The following ZBTB11 variants were observed in gnomAD, a reference collection of about 807,000 sequenced individuals.
ZBTB11 encodes the protein zinc finger and BTB domain containing 11.
ZBTB11 carries 68 observed loss-of-function variants against 113.1 expected under a neutral mutation model. That is an observed-to-expected ratio of 0.60 (90% confidence interval 0.49 to 0.74). The LOEUF (loss-of-function observed/expected upper bound fraction) is 0.74. Among genes scored for constraint, ZBTB11 ranks in the 30% least tolerant of loss-of-function variants. ZBTB11 has a pLI of 0.00. For missense variants in ZBTB11, 1,104 were observed against 1,279.4 expected, an observed-to-expected ratio of 0.86 and a Z score of 2.09; for synonymous variants, 518 against 452.6, an observed-to-expected ratio of 1.14 and a Z score of -1.83.
rs1936705449 is a variant in ZBTB11 at position 101,651,693 on chromosome 3, A to G, written c.2645-10T>C. ...TCAAATGGCTTAACTCCTAAAAAAAAAAAAAAAAAAGCATGTGTAGTGAGG... is the reference window on the plus strand; with the variant it reads ...TCAAATGGCTTAACTCCTAAAAAAAGAAAAAAAAAAGCATGTGTAGTGAGG... On this transcript the variant is annotated splice_polypyrimidine_tract_variant and intron_variant, in intron 10 of 10. Transcript: ENST00000312938. The G allele has an allele frequency of 3.3e-6, 5 of 1,517,644 alleles. No homozygotes were observed. Among genetic ancestry groups the G allele is most frequent in the Non-Finnish European group, 4.4e-6 (5 of 1,138,498 alleles). The allele number at this position is 1,517,644 out of a possible 1,614,324, so 94.0% of individuals were successfully genotyped here.
chr3:101,657,704 G>A (rs1936822996), intron 6 of ZBTB11, among the ~76,000 whole-genome samples: 1 of 152,078 alleles, frequency 6.6e-6, no homozygotes, highest in African/African-American at 2.4e-5. Context: ...CTCACTGGAG[G>A]CCAGGCACAG....
chr3:101,676,032 C>T (rs1302362094), intron 1 of ZBTB11, among the ~76,000 whole-genome samples: 1 of 152,232 alleles, frequency 6.6e-6, no homozygotes, highest in East Asian at 1.9e-4. Flanking sequence ...ATTTCTCAAT[C>T]ACTCCTTATC....
intron 7 of ZBTB11, 96 bp downstream of exon 7, chr3:101,656,008 C>A: frequency 9.6e-7 from 1 of 1,042,364 alleles, no homozygotes. Flanking sequence ...TGAGCACACA[C>A]GACTATCAGT....
At chr3:101,660,054 A>G in intron 5 of ZBTB11, 26 bp from the exon 6 acceptor site, 1 of 1,598,924 alleles carries the variant, frequency 6.3e-7, no homozygotes, top group Non-Finnish European at 8.5e-7. Flanking sequence ...AATTCTCTCT[A>G]AATGTATTTC....
intron 5 of ZBTB11, among the ~76,000 whole-genome samples, chr3:101,662,547 G>C (rs552543159): frequency 1.3e-5 from 2 of 152,048 alleles, no homozygotes; most frequent in Non-Finnish European, 1.5e-5. Context: ...CTTCAACCCG[G>C]GAAGCAGAGA....
chr3:101,676,732 C>A lies in ZBTB11; in HGVS notation c.183G>T (p.Glu61Asp). ...GCTCCGGCTGCAGCACCACCTCCAGCTCCGCGAAGGTCTTGCGGTGCCGCT... is the reference window on the plus strand; with the variant it reads ...GCTCCGGCTGCAGCACCACCTCCAGATCCGCGAAGGTCTTGCGGTGCCGCT... ...RRQRHRKTFA[E>D]LEVVLQPERR... The change falls in exon 1 of 11, where the codon GAG becomes GAT. Residue 61 changes from glutamate (E) to aspartate (D), a missense_variant. Transcript: ENST00000312938. 1 of 1,603,590 alleles carries A rather than the reference C, an allele frequency of 6.2e-7. No individual in the cohort carries two copies. The highest frequency in any genetic ancestry group is 8.5e-7 in the Non-Finnish European group (1 of 1,175,328).
chr3:101,673,152 T>C (rs886064555), intron 1 of ZBTB11, among the ~76,000 whole-genome samples: 3 of 152,158 alleles, frequency 2.0e-5, no homozygotes, highest in African/African-American at 7.2e-5. Flanking sequence ...CCCAGCATGC[T>C]AGGGTAGGGG....
intron 6 of ZBTB11, among the ~76,000 whole-genome samples, chr3:101,657,515 A>T (rs1936820117): frequency 6.6e-6 from 1 of 152,026 alleles, no homozygotes; most frequent in Admixed American, 6.6e-5. Context: ...TCCAAAAAAA[A>T]AAAACAAAAA....
In ZBTB11 at chr3:101,676,937, G is replaced by A. The variant is rs202207327; in HGVS notation, c.-23C>T. ...CATCGCGGACCGCGGCTCCCTGAGG[G>A]CGCCTGTCAGGGACAGGTGAGGAAA... On this transcript the variant is annotated 5_prime_UTR_variant, in exon 1 of 11. Transcript: ENST00000312938. The A allele has an allele frequency of 2.6e-6, 4 of 1,544,336 alleles. No individual in the cohort carries two copies. Among genetic ancestry groups the A allele is most frequent in the Admixed American group, 1.9e-5 (1 of 52,732 alleles).
chr3:101,675,428 A>T (rs1164619119), intron 1 of ZBTB11, among the ~76,000 whole-genome samples: 1 of 152,280 alleles, frequency 6.6e-6, no homozygotes, highest in Non-Finnish European at 1.5e-5. Flanking sequence ...AAAGAACTTT[A>T]GAAACTATTC....
At chr3:101,676,525 G>C (rs1937176988) in intron 1 of ZBTB11, 80 bp downstream of exon 1, 2 of 1,364,496 alleles carry the variant, frequency 1.5e-6, no homozygotes, top group Non-Finnish European at 1.9e-6. Flanking sequence ...CCGACTCGTG[G>C]GTACGCATAG....
At chr3:101,651,772 G>C in intron 10 of ZBTB11, 89 bp from the exon 11 acceptor site, 2 of 1,321,526 alleles carry the variant, frequency 1.5e-6, no homozygotes, top group Admixed American at 2.9e-5. Flanking sequence ...TTATTAAAAA[G>C]TACAGTAGCT....
chr3:101,670,543 A>G (rs957074325), intron 3 of ZBTB11: 1 of 152,252 alleles, frequency 6.6e-6, no homozygotes, highest in Admixed American at 6.5e-5. Context: ...TCTAAGGATT[A>G]ATCTTTAAAA....
Position 101,676,921 on chromosome 3 carries a change from C to G in ZBTB11, c.-7G>C, listed in dbSNP as rs1433307890. 2.6e-6 allele frequency: 4 copies of G among 1,556,204 alleles called. No homozygotes were observed. In the African/African-American group the frequency reaches 5.5e-5, roughly 21 times the overall value. On this transcript the variant is annotated 5_prime_UTR_variant, in exon 1 of 11. Coordinates refer to ENST00000312938, the MANE Select transcript of ZBTB11 (RefSeq NM_014415.4). The stretch of plus-strand genomic sequence containing the variant: ...AGCTTTCCTCGCTTGACATCGCGGA[C>G]CGCGGCTCCCTGAGGGCGCCTGTCA...
At chr3:101,654,610 A>C (rs1936762634) in intron 8 of ZBTB11, 94 bp downstream of exon 8, 4 of 1,016,246 alleles carry the variant, frequency 3.9e-6, no homozygotes, top group Non-Finnish European at 6.0e-6. Flanking sequence ...GAGTAAACTG[A>C]AGTTACAGTT....
chr3:101,663,227 C>T (rs183137200), intron 5 of ZBTB11, among the ~76,000 whole-genome samples: 5 of 152,006 alleles, frequency 3.3e-5, no homozygotes, highest in African/African-American at 7.2e-5. Context: ...TGTGAGCCAC[C>T]GCACCCAGCC....
intron 1 of ZBTB11, among the ~76,000 whole-genome samples, chr3:101,674,276 A>G (rs1022285739): frequency 6.6e-6 from 1 of 152,148 alleles, no homozygotes; most frequent in African/African-American, 2.4e-5. Context: ...AGATCGCGCC[A>G]CTGTGCTCCG....
Position 101,659,892 on chromosome 3 carries a change from C to T in ZBTB11, c.1937G>A (p.Arg646Lys), listed in dbSNP as rs1283727849. The T allele has an allele frequency of 6.2e-7, 1 of 1,614,052 alleles. No homozygotes were observed. The highest frequency in any genetic ancestry group is 8.5e-7 in the Non-Finnish European group (1 of 1,180,038). The change falls in exon 6 of 11, where the codon AGA becomes AAA. Residue 646 changes from arginine to lysine, a missense_variant. Around this residue, in one of 5 missense-constraint regions of ZBTB11, gnomAD observed 535 missense variants for 518.6 expected, o/e 1.03. Transcript: ENST00000312938. The part of the protein sequence containing the change: ...EASGTSSEKG[R>K]TKREFICSIC... ...GGAACATATAAATTCCCGCTTGGTT[C>T]TGCCCTTCTCAGATGATGTTCCCGA...
At chr3:101,658,815 G>T (rs1304865722) in intron 6 of ZBTB11, among the ~76,000 whole-genome samples, 1 of 151,930 alleles carries the variant, frequency 6.6e-6, no homozygotes, top group Admixed American at 6.6e-5. Context: ...TTAAGTAATG[G>T]GTACACCAAA....
Sources: gnomAD v4.1 joint callset for allele counts (sites outside exome capture counted in the v4.1 genomes callset) on GRCh38, gnomAD v4.1.1 for gene constraint, gnomAD v4.1.1 regional missense constraint, MANE v1.5 for transcripts, NCBI Gene and HGNC (gene_info 2026-07-23, HGNC 2026-07-21) for gene names.